The following WDPCP variants were observed in gnomAD, a reference collection of about 807,000 sequenced individuals.
WDPCP encodes WD repeat-containing and planar cell polarity effector protein fritz homolog.
WDPCP carries 71 observed loss-of-function variants against 93.1 expected under a neutral mutation model. The ratio of observed to expected loss-of-function variants is 0.76; its 90% CI spans 0.63 to 0.93. The LOEUF (loss-of-function observed/expected upper bound fraction) is 0.93, where lower values mean the gene tolerates loss of function less well. Ranked by LOEUF, WDPCP falls within the 40% of genes least tolerant of loss-of-function variation. WDPCP has a pLI of 0.00. For synonymous variants in WDPCP, 315 were observed against 315.0 expected, an observed-to-expected ratio of 1.00 and a Z score of 0.00; for missense variants, 844 against 887.4, an observed-to-expected ratio of 0.95 and a Z score of 0.62.
intron 6 of WDPCP, among the ~76,000 whole-genome samples, chr2:63,475,706 AC>A (rs1227093919): frequency 6.6e-6 from 1 of 152,050 alleles, no homozygotes; most frequent in African/African-American, 2.4e-5. Flanking sequence ...AGGCCCTCTG[AC>A]TTCTAAACCC....
intron 17 of WDPCP, among the ~76,000 whole-genome samples, chr2:63,149,383 T>G (rs1253312725): frequency 2.0e-5 from 3 of 152,180 alleles, no homozygotes; most frequent in Non-Finnish European, 4.4e-5. Context: ...TAGCAAGATG[T>G]GGAGAAATGG....
intron 1 of WDPCP, among the ~76,000 whole-genome samples, chr2:63,512,721 G>A (rs561833946): frequency 6.6e-6 from 1 of 152,040 alleles, no homozygotes; most frequent in Admixed American, 6.6e-5. Flanking sequence ...GGAGGGGAAC[G>A]TCACACACTG....
chr2:63,538,919 A>C (rs1445033689), intron 1 of WDPCP, among the ~76,000 whole-genome samples: 1 of 152,158 alleles, frequency 6.6e-6, no homozygotes, highest in African/African-American at 2.4e-5. Context: ...GTGACTTGCA[A>C]AATAACTGTG....
chr2:63,745,746 T>C (rs926925812), intron 2 of WDPCP, among the ~76,000 whole-genome samples: 2 of 152,102 alleles, frequency 1.3e-5, no homozygotes, highest in African/African-American at 4.8e-5. Flanking sequence ...TATGTTTCCA[T>C]GAATGTTCTG....
intron 2 of WDPCP, among the ~76,000 whole-genome samples, chr2:63,681,423 A>G (rs1006741837): frequency 1.1e-4 from 16 of 152,088 alleles, no homozygotes; most frequent in African/African-American, 3.9e-4. Flanking sequence ...CCATGGGCCT[A>G]TGGTGGTGGT....
At chr2:63,191,893 A>T (rs11680079) in intron 14 of WDPCP, among the ~76,000 whole-genome samples, 13,941 of 152,264 alleles carry the variant, frequency 0.092, 868 homozygotes, top group South Asian at 0.17. Context: ...GAGCATAGCC[A>T]TGCTTGTTTG....
chr2:63,588,001 G>T (rs892674934), intron 1 of WDPCP, among the ~76,000 whole-genome samples, 196 bp downstream of exon 1: 5 of 152,172 alleles, frequency 3.3e-5, no homozygotes, highest in Non-Finnish European at 5.9e-5. Context: ...ATTTGGGGTC[G>T]GGGGTGCACC....
chr2:63,607,705 C>G (rs892276634), intron 3 of WDPCP, among the ~76,000 whole-genome samples: 68 of 151,592 alleles, frequency 4.5e-4, no homozygotes, highest in African/African-American at 1.6e-3. Flanking sequence ...TGGCGGGCAC[C>G]TGTAGTCCCA....
intron 1 of WDPCP, among the ~76,000 whole-genome samples, chr2:63,576,502 G>A (rs1361582316): frequency 6.6e-6 from 1 of 152,158 alleles, no homozygotes; most frequent in African/African-American, 2.4e-5. Context: ...GTCCTCTTTG[G>A]GCATGCCACT....
At chr2:63,379,927 T>C (rs1692160246) in intron 11 of WDPCP, among the ~76,000 whole-genome samples, 1 of 152,138 alleles carries the variant, frequency 6.6e-6, no homozygotes, top group Non-Finnish European at 1.5e-5. Flanking sequence ...CATGCAAAAA[T>C]TTTATTTTAA....
intron 12 of WDPCP, among the ~76,000 whole-genome samples, chr2:63,358,146 C>A (rs1476466320): frequency 2.6e-5 from 4 of 151,972 alleles, no homozygotes; most frequent in South Asian, 2.1e-4. Flanking sequence ...AGGCTTAATA[C>A]CTGGGTAATG....
chr2:63,277,113 T>C (rs550294441), intron 13 of WDPCP, among the ~76,000 whole-genome samples: 14 of 152,188 alleles, frequency 9.2e-5, no homozygotes, highest in Non-Finnish European at 2.1e-4. Flanking sequence ...AAGAATTTTG[T>C]ATCCAGAGAA....
intron 1 of WDPCP, among the ~76,000 whole-genome samples, chr2:63,585,363 G>A (rs2106565846): frequency 6.6e-6 from 1 of 151,828 alleles, no homozygotes; most frequent in East Asian, 1.9e-4. Flanking sequence ...AAGATACCTA[G>A]CATTACACTT....
chr2:63,821,174 T>C (rs572830680), intron 1 of WDPCP, among the ~76,000 whole-genome samples: 1 of 152,230 alleles, frequency 6.6e-6, no homozygotes, highest in East Asian at 1.9e-4. Flanking sequence ...TGTTTCCATG[T>C]CTCTCTCACC....
At chr2:63,231,764 T>A (rs1382592954) in intron 14 of WDPCP, among the ~76,000 whole-genome samples, 1 of 152,096 alleles carries the variant, frequency 6.6e-6, no homozygotes, top group African/African-American at 2.4e-5. Context: ...CCCAAGGTAA[T>A]TTATAGATTC....
At chr2:63,257,142 G>A (rs1313007686) in intron 14 of WDPCP, among the ~76,000 whole-genome samples, 1 of 152,090 alleles carries the variant, frequency 6.6e-6, no homozygotes, top group African/African-American at 2.4e-5. Flanking sequence ...GGCGCCTCTT[G>A]CTTTTAACTA....
upstream of WDPCP, among the ~76,000 whole-genome samples, chr2:63,592,460 C>T (rs931600745): frequency 1.3e-5 from 2 of 152,200 alleles, no homozygotes; most frequent in Non-Finnish European, 1.5e-5. Context: ...AAGTGATTCT[C>T]CTACCTCAGC....
At chr2:63,407,626 G>A (rs145309494) in intron 9 of WDPCP, among the ~76,000 whole-genome samples, 174 of 152,108 alleles carry the variant, frequency 1.1e-3, no homozygotes, top group African/African-American at 3.3e-3. Context: ...TTAACTAACC[G>A]TACTTACATA....
chr2:63,175,600 CT>C (rs911719349), intron 14 of WDPCP, among the ~76,000 whole-genome samples: 60 of 152,264 alleles, frequency 3.9e-4, no homozygotes, highest in African/African-American at 1.4e-3. Context: ...CCATTTGCCC[CT>C]CTCCCAGTTT....
Sources: gnomAD v4.1 joint callset for allele counts (sites outside exome capture counted in the v4.1 genomes callset) on GRCh38, gnomAD v4.1.1 for gene constraint, MANE v1.5 for transcripts, NCBI Gene and HGNC (gene_info 2026-07-23, HGNC 2026-07-21) for gene names.